EPM2A: variants seen among roughly 807,000 people sequenced by gnomAD.
EPM2A encodes laforin.
In EPM2A, 21 loss-of-function variants were observed where a neutral mutation model predicts 26.5. The ratio of observed to expected loss-of-function variants is 0.79; its 90% CI spans 0.56 to 1.14. EPM2A has a LOEUF of 1.14. EPM2A is among the 50% of genes most tolerant of loss of function. EPM2A has a pLI of 0.00. For synonymous variants in EPM2A, 217 were observed against 177.6 expected, an observed-to-expected ratio of 1.22 and a Z score of -1.76; for missense variants, 458 against 440.8, an observed-to-expected ratio of 1.04 and a Z score of -0.35.
At position 145,675,082 on chromosome 6, in the gene EPM2A, ATC is replaced by A. The variant is rs1160336526; in HGVS notation, c.476+11038_476+11039del. 2.0e-5 allele frequency among the ~76,000 whole-genome samples: 3 copies of A among 152,356 alleles called. 1 individual carries two copies. The highest frequency in any genetic ancestry group is 4.1e-4 in the South Asian group (2 of 4,822). ...AGGAAACCCATCAGACTAACAGCAG[ATC>A]TCTCTGCAGAAACCCTACAAGCCAG... On this transcript the variant is annotated intron_variant, in intron 2 of 3. Transcript: ENST00000367519.
intron 4 of EPM2A, among the ~76,000 whole-genome samples, chr6:145,416,971 A>T (rs1439154345): frequency 6.6e-6 from 1 of 152,118 alleles, no homozygotes; most frequent in African/African-American, 2.4e-5. Context: ...CAGGATGTTT[A>T]GGGGAGAGAA....
chr6:145,528,881 A>C (rs1780316199), intron 2 of EPM2A, among the ~76,000 whole-genome samples: 1 of 152,174 alleles, frequency 6.6e-6, no homozygotes, highest in African/African-American at 2.4e-5. Flanking sequence ...TGCCATGAAG[A>C]ACATTCATGA....
At chr6:145,703,613 C>G (rs867905161) in intron 1 of EPM2A, among the ~76,000 whole-genome samples, 1 of 152,200 alleles carries the variant, frequency 6.6e-6, no homozygotes, top group Admixed American at 6.5e-5. Context: ...CACTGATAGT[C>G]TCTTTACAAG....
chr6:145,476,356 A>G (rs1284203941), intron 4 of EPM2A, among the ~76,000 whole-genome samples: 3 of 152,078 alleles, frequency 2.0e-5, no homozygotes, highest in African/African-American at 7.2e-5. Flanking sequence ...TCAATACCCC[A>G]CTTTCAGCAC....
chr6:145,627,633 T>C lies in EPM2A; in HGVS notation c.779A>G (p.His260Arg). The change falls in exon 4 of 4, where the codon CAC becomes CGC. Residue 260 changes from histidine (H) to arginine (R), a missense_variant. Transcript: ENST00000367519. ...AGCGTTGCAGTGCACGTACACGATGTGTCCCTTCTCCAGCAGCGCATGCAG... is the reference window on the plus strand; with the variant it reads ...AGCGTTGCAGTGCACGTACACGATGCGTCCCTTCTCCAGCAGCGCATGCAG... ...CLLHALLEKG[H>R]IVYVHCNAGV... is the part of the protein sequence containing the mutation. 1 of 1,614,184 alleles carries C rather than the reference T, an allele frequency of 6.2e-7. No homozygotes were observed. The highest frequency in any genetic ancestry group is 8.5e-7 in the Non-Finnish European group (1 of 1,180,026).
intron 1 of EPM2A, among the ~76,000 whole-genome samples, chr6:145,720,003 A>G (rs1775865576): frequency 2.0e-5 from 3 of 152,194 alleles, no homozygotes; most frequent in African/African-American, 7.2e-5. Flanking sequence ...AAGAGTTTTT[A>G]GTGTTTTTTT....
At chr6:145,520,020 TC>T (rs1254026332) in intron 2 of EPM2A, among the ~76,000 whole-genome samples, 1 of 152,144 alleles carries the variant, frequency 6.6e-6, no homozygotes, top group Non-Finnish European at 1.5e-5. Context: ...ATACTGTCCA[TC>T]CTTTAAGATT....
At chr6:145,534,562 A>G (rs17724783) in intron 2 of EPM2A, among the ~76,000 whole-genome samples, 12,229 of 152,308 alleles carry the variant, frequency 0.08, 578 homozygotes, top group East Asian at 0.17. Context: ...GTCCACATGT[A>G]TCTATGCAAT....
chr6:145,515,814 G>A (rs950045413), intron 2 of EPM2A, among the ~76,000 whole-genome samples: 3 of 152,166 alleles, frequency 2.0e-5, no homozygotes, highest in African/African-American at 7.2e-5. Context: ...TTTGTGTGAA[G>A]GGAATACAGG....
Position 145,730,622 on chromosome 6 carries a change from G to C in EPM2A, c.301+4576C>G, listed in dbSNP as rs560502996. The stretch of plus-strand genomic sequence containing the variant: ...GAGAGCTAGAAAGCAAGTGAGGAGA[G>C]AGAGGCTGTACTCCATGCTTCTTTC... On this transcript the variant is annotated intron_variant, in intron 1 of 3. Coordinates refer to ENST00000367519, the MANE Select transcript of EPM2A (RefSeq NM_005670.4). Among the ~76,000 whole-genome samples, 4 of 152,324 alleles carry C rather than the reference G, an allele frequency of 2.6e-5. No individual in the cohort carries two copies. The South Asian group carries it at 8.3e-4, about 32-fold the overall frequency.
rs371088938 is a variant in EPM2A at position 145,635,370 on chromosome 6, A to G, written c.593T>C (p.Ile198Thr). The change falls in exon 3 of 4, where the codon ATT becomes ACT. Residue 198 changes from isoleucine (I) to threonine (T), a missense_variant. Physicochemically the swap from Ile to Thr is moderately conservative, Grantham distance 89. Transcript: ENST00000367519. ...GTTACAGCCTGAGGAATTCTGTACAATATCCCATTCAGTCTGGAAATTCAT... is the reference window on the plus strand; with the variant it reads ...GTTACAGCCTGAGGAATTCTGTACAGTATCCCATTCAGTCTGGAAATTCAT... ...AVMNFQTEWD[I>T]VQNSSGCNRY... The G allele has an allele frequency of 6.2e-7, 1 of 1,614,036 alleles. No individual in the cohort carries two copies. Among genetic ancestry groups the G allele is most frequent in the African/African-American group, 1.3e-5 (1 of 74,922 alleles).
intron 1 of EPM2A, among the ~76,000 whole-genome samples, chr6:145,699,742 A>T (rs1012423861): frequency 2.0e-5 from 3 of 152,196 alleles, no homozygotes; most frequent in African/African-American, 7.2e-5. Flanking sequence ...GGATTTCATG[A>T]CTTGGAAAGT....
At chr6:145,710,003 C>T (rs1305658700) in intron 1 of EPM2A, among the ~76,000 whole-genome samples, 4 of 152,092 alleles carry the variant, frequency 2.6e-5, no homozygotes, top group African/African-American at 9.7e-5. Flanking sequence ...AGACCTAAAA[C>T]CATAAAAACC....
chr6:145,661,070 T>C (rs1267130314), intron 2 of EPM2A, among the ~76,000 whole-genome samples: 5 of 151,928 alleles, frequency 3.3e-5, no homozygotes, highest in Admixed American at 2.6e-4. Context: ...ACAGAGGCCC[T>C]GAAAAACAAA....
At chr6:145,511,349 A>G (rs376036819) in intron 2 of EPM2A, among the ~76,000 whole-genome samples, 85 of 152,314 alleles carry the variant, frequency 5.6e-4, no homozygotes, top group African/African-American at 2.0e-3. Context: ...AGGCACAAAA[A>G]TCCTCAGCAA....
At chr6:145,515,110 C>T (rs1780107401) in intron 2 of EPM2A, among the ~76,000 whole-genome samples, 1 of 152,142 alleles carries the variant, frequency 6.6e-6, no homozygotes, top group South Asian at 2.1e-4. Context: ...GTATAGAGGC[C>T]ACTCAGTAGC....
At chr6:145,420,354 A>G (rs759207706) in intron 4 of EPM2A, among the ~76,000 whole-genome samples, 47 of 152,206 alleles carry the variant, frequency 3.1e-4, no homozygotes, top group Non-Finnish European at 4.0e-4. Flanking sequence ...ACCATATGGT[A>G]CTACTAGAAC....
intron 4 of EPM2A, chr6:145,490,442 A>G: frequency 4.0e-6 from 3 of 742,572 alleles, no homozygotes; most frequent in East Asian, 2.5e-5. Context: ...CAATTTGGAC[A>G]TTCAAAAGGT....
In EPM2A at chr6:145,627,455, C is replaced by G. The variant is rs777017987; in HGVS notation, c.957G>C (p.Gln319His). 1 of 1,614,106 alleles carries G rather than the reference C, an allele frequency of 6.2e-7. No individual in the cohort carries two copies. The highest frequency in any genetic ancestry group is 1.7e-5 in the Admixed American group (1 of 60,010). ...CAGAAGAACGAACCTTCCCAAATTT[C>G]TGGAAAAAATCTTCTTGTGCCCGGG... ...ALARAQEDFF[Q>H]KFGKVRSSVC... Residue 319 changes from glutamine (Q) to histidine (H), a missense_variant, in exon 4 of 4, where the codon CAG (glutamine) becomes CAC (histidine). Coordinates refer to ENST00000367519, the MANE Select transcript of EPM2A (RefSeq NM_005670.4).
Sources: allele counts gnomAD v4.1 joint callset (sites outside exome capture counted in the v4.1 genomes callset), GRCh38; gene constraint gnomAD v4.1.1; transcripts MANE v1.5; gene names NCBI Gene and HGNC (gene_info 2026-07-23, HGNC 2026-07-21).